Variants in BACH1 observed in about 807,000 individuals in gnomAD.
The protein encoded by BACH1 is transcription regulator protein BACH1.
BACH1 carries 35 observed loss-of-function variants against 52.9 expected under a neutral mutation model. The observed-to-expected ratio is 0.66, with a 90% confidence interval of 0.51 to 0.88. BACH1 has a LOEUF of 0.88. BACH1 is among the 40% of genes least tolerant of loss of function. The pLI, the probability that BACH1 is intolerant of heterozygous loss-of-function variation, is 0.00. For missense variants in BACH1, 808 were observed against 872.6 expected (o/e 0.93, Z 0.93); for synonymous variants, 321 against 319.6 (o/e 1.00, Z -0.05).
intron 2 of BACH1, among the ~76,000 whole-genome samples, chr21:29,355,759 A>G (rs921930849): frequency 2.0e-5 from 3 of 152,242 alleles, no homozygotes; most frequent in African/African-American, 4.8e-5. Context: ...AAGGCGAGTA[A>G]TAGCAAGATG....
chr21:29,329,212 G>A (rs544570249), intron 3 of BACH1, among the ~76,000 whole-genome samples: 1 of 152,284 alleles, frequency 6.6e-6, no homozygotes, highest in Admixed American at 6.5e-5. Context: ...GGAAGCTGAG[G>A]TGAGAGGATC....
At chr21:29,316,997 G>C (rs546173304) in intron 1 of BACH1, among the ~76,000 whole-genome samples, 2 of 152,160 alleles carry the variant, frequency 1.3e-5, no homozygotes, top group African/African-American at 4.8e-5. Context: ...CCCAACCTCC[G>C]GGTTGCACAG....
intron 2 of BACH1, among the ~76,000 whole-genome samples, chr21:29,321,719 G>A (rs1244396413): frequency 6.7e-6 from 1 of 149,986 alleles, no homozygotes; most frequent in Non-Finnish European, 1.5e-5. Context: ...CTGAGCAGTT[G>A]GATATAACAT....
At chr21:29,315,670 T>G (rs1407349557) in intron 1 of BACH1, among the ~76,000 whole-genome samples, 2 of 152,184 alleles carry the variant, frequency 1.3e-5, no homozygotes, top group Non-Finnish European at 2.9e-5. Flanking sequence ...TGTGAAATAA[T>G]TGTTCTCATT....
chr21:29,343,425 G>A lies in BACH1; in HGVS notation c.*592G>A, dbSNP rs1276496424. On this transcript the variant is annotated 3_prime_UTR_variant, in exon 5 of 5. Coordinates refer to ENST00000286800, the MANE Select transcript of BACH1 (RefSeq NM_001186.4). ...AAAATCAGGCTTTAAGCTACATTGG[G>A]AAGATTTAGTAAATAGGCAAGTGGT... 2.0e-5 allele frequency: 3 copies of A among 152,282 alleles called. No homozygotes were observed. Among genetic ancestry groups the A allele is most frequent in the African/African-American group, 7.2e-5 (3 of 41,438 alleles). 9.4% of individuals were successfully genotyped at this position (152,282 alleles called of 1,614,324 possible). A position where few individuals can be genotyped will look rare whatever the true frequency, so the allele number is the denominator to read the frequency against.
chr21:29,309,116 G>A (rs972633979), intron 1 of BACH1, among the ~76,000 whole-genome samples: 9 of 152,090 alleles, frequency 5.9e-5, no homozygotes, highest in Admixed American at 2.0e-4. Flanking sequence ...AAATTATCTG[G>A]GCGTGGTGAT....
rs898826112 is a variant in BACH1, at chr21:29,304,190, A to C, written c.-61+5237A>C. ...GCTCAGGCTGGAGTGCAGTGGCGCG[A>C]TCTCGGGTCACTGCAACCTCCGCCT... On this transcript the variant is annotated intron_variant, in intron 1 of 4. Transcript: ENST00000286800. Among the ~76,000 whole-genome samples the C allele has an allele frequency of 2.1e-5, 3 of 142,266 alleles. No individual in the cohort carries two copies. The Admixed American group carries it at 2.2e-4, about 11-fold the overall frequency. 93.3% of individuals were successfully genotyped at this position (142,266 alleles called of 152,430 possible). A position where few individuals can be genotyped will look rare whatever the true frequency, so the allele number is the denominator to read the frequency against.
At position 29,315,123 on chromosome 21, in the gene BACH1, A is replaced by G. The variant is rs74866203; in HGVS notation, c.-60-6098A>G. On this transcript the variant is annotated intron_variant, in intron 1 of 4. Transcript: ENST00000286800. ...GAATCTCCACCTTAAATTTAAAATC[A>G]TTTTTAAAATAAAGGCCCTTAAAGG... Among the ~76,000 whole-genome samples the G allele has an allele frequency of 5.3e-5, 8 of 152,312 alleles. No individual in the cohort carries two copies. In the East Asian group the frequency reaches 1.3e-3, roughly 26 times the overall value.
At chr21:29,300,338 G>A (rs1281275360) in intron 1 of BACH1, among the ~76,000 whole-genome samples, 2 of 152,234 alleles carry the variant, frequency 1.3e-5, no homozygotes, top group Non-Finnish European at 2.9e-5. Context: ...GCCCCAGCTT[G>A]AGAGGTAATT....
intron 1 of BACH1, among the ~76,000 whole-genome samples, chr21:29,306,162 C>T (rs957320641): frequency 1.5e-5 from 2 of 133,306 alleles, no homozygotes; most frequent in Admixed American, 1.6e-4. Context: ...GAAGTTGGGT[C>T]AGGAAGAGTG....
At chr21:29,341,540 C>T (rs924765424) in intron 4 of BACH1, among the ~76,000 whole-genome samples, 1 of 152,094 alleles carries the variant, frequency 6.6e-6, no homozygotes, top group Non-Finnish European at 1.5e-5. Context: ...GTGACATGGA[C>T]AGGAAGGCAG....
chr21:29,304,456 T>G (rs2088634059), intron 1 of BACH1, among the ~76,000 whole-genome samples: 2 of 152,162 alleles, frequency 1.3e-5, no homozygotes, highest in African/African-American at 2.4e-5. Context: ...TCAGGTAAAG[T>G]TTTTTTCACT....
chr21:29,320,151 A>G (rs1464823361), intron 1 of BACH1, among the ~76,000 whole-genome samples: 1 of 152,084 alleles, frequency 6.6e-6, no homozygotes, highest in African/African-American at 2.4e-5. Flanking sequence ...AGTACCATTT[A>G]CTCATTCACT....
chr21:29,310,076 T>C (rs1242619658), intron 1 of BACH1, among the ~76,000 whole-genome samples: 1 of 152,216 alleles, frequency 6.6e-6, no homozygotes, highest in Admixed American at 6.5e-5. Flanking sequence ...ATTTATTCTT[T>C]AGTAATTTAT....
At chr21:29,356,311 T>A (rs2089234385) in intron 2 of BACH1, among the ~76,000 whole-genome samples, 1 of 152,208 alleles carries the variant, frequency 6.6e-6, no homozygotes, top group South Asian at 2.1e-4. Flanking sequence ...ACCTTGTAAG[T>A]TTGGGGTTTT....
chr21:29,361,873 TTA>T (rs990847158), intron 2 of BACH1: 1 of 152,230 alleles, frequency 6.6e-6, no homozygotes, highest in Admixed American at 6.5e-5. Context: ...GATGTAATTA[TTA>T]ATAAAGTCAC....
chr21:29,319,573 A>G (rs558212072), intron 1 of BACH1, among the ~76,000 whole-genome samples: 2 of 151,744 alleles, frequency 1.3e-5, no homozygotes, highest in Admixed American at 6.6e-5. Flanking sequence ...GCGACTGCAC[A>G]TTGTAAATTT....
In BACH1 at chr21:29,344,877, CTT is replaced by C. The variant is rs2089153413; in HGVS notation, c.*2047_*2048del. On this transcript the variant is annotated 3_prime_UTR_variant, in exon 5 of 5. Coordinates refer to ENST00000286800, the MANE Select transcript of BACH1 (RefSeq NM_001186.4). ...TGTGTATGTGCAAATGTCAAATAATCTTTTGCTTTAATTGCTACTGTACTTGC... is the reference window on the plus strand; with the variant it reads ...TGTGTATGTGCAAATGTCAAATAATCTTGCTTTAATTGCTACTGTACTTGC... 6.6e-6 allele frequency: 1 copy of C among 152,538 alleles called. No homozygotes were observed. Among genetic ancestry groups the C allele is most frequent in the African/African-American group, 2.4e-5 (1 of 41,398 alleles). 9.4% of individuals were successfully genotyped at this position (152,538 alleles called of 1,614,324 possible). A position where few individuals can be genotyped will look rare whatever the true frequency, so the allele number is the denominator to read the frequency against.
At chr21:29,356,018 C>G (rs146293760) in intron 2 of BACH1, among the ~76,000 whole-genome samples, 3 of 152,318 alleles carry the variant, frequency 2.0e-5, no homozygotes, top group Non-Finnish European at 4.4e-5. Context: ...GCCAAAGAGT[C>G]TATTTGGGAT....
Sources: gnomAD v4.1 joint callset for allele counts (sites outside exome capture counted in the v4.1 genomes callset) on GRCh38, gnomAD v4.1.1 for gene constraint, MANE v1.5 for transcripts, NCBI Gene and HGNC (gene_info 2026-07-23, HGNC 2026-07-21) for gene names.